The following SEMA4C variants were observed in gnomAD, a reference collection of about 807,000 sequenced individuals.
The protein encoded by SEMA4C is semaphorin-4C.
Under a neutral mutation model 89.0 loss-of-function variants are expected in SEMA4C, and 19 were observed. The ratio of observed to expected loss-of-function variants is 0.21; its 90% CI spans 0.15 to 0.31. The LOEUF (loss-of-function observed/expected upper bound fraction) is 0.31, where lower values mean the gene tolerates loss of function less well. Ranked by LOEUF, SEMA4C falls within the 10% of genes least tolerant of loss-of-function variation. The probability of loss-of-function intolerance (pLI) is 1.00; values close to 1 mark genes in which losing one functional copy is unlikely to be tolerated. For synonymous variants in SEMA4C, 428 were observed against 472.7 expected, an observed-to-expected ratio of 0.91 and a Z score of 1.23; for missense variants, 811 against 1,107.0, an observed-to-expected ratio of 0.73 and a Z score of 3.79.
intron 3 of SEMA4C, 133 bp from the exon 4 acceptor site, chr2:96,866,062 AG>A (rs931690376): frequency 2.5e-5 from 27 of 1,094,750 alleles, no homozygotes; most frequent in Admixed American, 6.6e-5. Flanking sequence ...GACTTCCTTT[AG>A]TACAGAATGG....
chr2:96,870,106 T>G, upstream of SEMA4C: 1 of 959,408 alleles, frequency 1.0e-6, no homozygotes, highest in Non-Finnish European at 1.2e-6. Flanking sequence ...CTCCGCCCCC[T>G]TCCCCTTGAC....
rs757727634 is a variant in SEMA4C at position 96,864,390 on chromosome 2, A to G, written c.963-8T>C. 9 of 1,612,910 alleles carry G rather than the reference A, an allele frequency of 5.6e-6. No homozygotes were observed. In the East Asian group the frequency reaches 1.8e-4, roughly 32 times the overall value. On this transcript the variant is annotated splice_polypyrimidine_tract_variant and splice_region_variant and intron_variant, in intron 9 of 14. Transcript: ENST00000305476. The surrounding 1 kb of genome is among the most constrained non-coding windows in gnomAD (Gnocchi z 6.3). ...GACAGGTACATGTCACCCCTGTCACAGCGAGAGGGAGCCCAGGGTCAGGTA... is the reference window on the plus strand; with the variant it reads ...GACAGGTACATGTCACCCCTGTCACGGCGAGAGGGAGCCCAGGGTCAGGTA...
chr2:96,868,297 A>G (rs765974695), intron 1 of SEMA4C: 3 of 501,978 alleles, frequency 6.0e-6, no homozygotes, highest in Non-Finnish European at 8.5e-6. Flanking sequence ...CTCAGGCAGC[A>G]GGCCTTGCAG....
rs1340114448 is a variant in SEMA4C at position 96,865,549 on chromosome 2, G to C, written c.421-12C>G. 1.9e-6 allele frequency: 3 copies of C among 1,612,914 alleles called. No homozygotes were observed. Among genetic ancestry groups the C allele is most frequent in the African/African-American group, 1.3e-5 (1 of 74,896 alleles). ...AAGGTGAGCATGTTCTAAGGACAGAGAGAGAGGTGATGAGGAGATGCTTAA... is the reference window on the plus strand; with the variant it reads ...AAGGTGAGCATGTTCTAAGGACAGACAGAGAGGTGATGAGGAGATGCTTAA... On this transcript the variant is annotated splice_polypyrimidine_tract_variant and intron_variant, in intron 5 of 14. Transcript: ENST00000305476.
Position 96,866,393 on chromosome 2 carries a change from T to G in SEMA4C, c.148A>C (p.Ile50Leu). The G allele has an allele frequency of 6.2e-7, 1 of 1,613,922 alleles. No homozygotes were observed. Among genetic ancestry groups the G allele is most frequent in the Non-Finnish European group, 8.5e-7 (1 of 1,180,032 alleles). Residue 50 changes from isoleucine to leucine, a missense_variant, in exon 3 of 15, where the codon ATC (isoleucine) becomes CTC (leucine). This residue lies in a region of SEMA4C where 119 missense variants were observed against 152.7 expected (regional missense o/e 0.78). Coordinates refer to ENST00000305476, the MANE Select transcript of SEMA4C (RefSeq NM_017789.5). ...AGCGTCAGTGTCAGGAAGTCCTGGA[T>G]GCCGGTCTGGGAGAACCGCCGTACT... ...TVVRRFSQTG[I>L]QDFLTLTLTE...
At chr2:96,863,429 A>C in intron 12 of SEMA4C, 1 of 1,264,786 alleles carries the variant, frequency 7.9e-7, no homozygotes, top group Non-Finnish European at 1.0e-6. Context: ...AGCAGTTGCC[A>C]AGGCTTGATG....
In SEMA4C at chr2:96,866,276, C is replaced by G; in HGVS notation, c.258+7G>C. 2 of 1,604,452 alleles carry G rather than the reference C, an allele frequency of 1.2e-6. No individual in the cohort carries two copies. Among genetic ancestry groups the G allele is most frequent in the Non-Finnish European group, 1.7e-6 (2 of 1,173,164 alleles). On this transcript the variant is annotated splice_region_variant and intron_variant, in intron 3 of 14. Transcript: ENST00000305476. ...GCCCGACTGCCTCCCACTGCCCCAC[C>G]TCTCACCGCTCCTTGCAGCTCCAGG...
chr2:96,869,578 G>C, intron 1 of SEMA4C: 1 of 985,290 alleles, frequency 1.0e-6, no homozygotes, highest in Admixed American at 6.1e-5. Context: ...GGGCAGTCCA[G>C]GAGCCTGGCG....
chr2:96,860,597 G>A lies in SEMA4C; in HGVS notation c.*29C>T, dbSNP rs1360234353. On this transcript the variant is annotated 3_prime_UTR_variant, in exon 15 of 15. Transcript: ENST00000305476. ...CAAAAGTAGGAGCTACACCTCCCAC[G>A]CTTCCCGCCGACGCGGTGGGGGTTC... 11 of 1,558,804 alleles carry A rather than the reference G, an allele frequency of 7.1e-6. No individual in the cohort carries two copies. The highest frequency in any genetic ancestry group is 1.8e-5 in the Admixed American group (1 of 54,164).
In SEMA4C at chr2:96,860,860, C is replaced by T. The variant is rs200760433; in HGVS notation, c.2268G>A (p.Gly756=). The T allele has an allele frequency of 1.2e-6, 2 of 1,613,148 alleles. No homozygotes were observed. Among genetic ancestry groups the T allele is most frequent in the Non-Finnish European group, 1.7e-6 (2 of 1,180,010 alleles). The change falls in exon 15 of 15, where the codon GGG becomes GGA. Residue 756 remains glycine, a synonymous_variant. Transcript: ENST00000305476. Reference sequence around the variant, plus strand: ...TGCCTGGAGGTGGCGAAGGGGGCCCCCCACCGGGCTGGCACCGGGCATGCC... The same window carrying T: ...TGCCTGGAGGTGGCGAAGGGGGCCCTCCACCGGGCTGGCACCGGGCATGCC... ...VPGHARCQPG[G]GPPSPPPGIP...
chr2:96,870,061 C>G lies in SEMA4C; in HGVS notation c.-223G>C. On this transcript the variant is annotated 5_prime_UTR_variant, in exon 1 of 15. Transcript: ENST00000305476. Reference sequence around the variant, plus strand: ...GCTCGGGCTCCCCGCGCCACCACGGCGGGCGCCGGCTCTTTCTCCAGCGCG... The same window carrying G: ...GCTCGGGCTCCCCGCGCCACCACGGGGGGCGCCGGCTCTTTCTCCAGCGCG... 4.1e-6 allele frequency: 4 copies of G among 976,504 alleles called. No homozygotes were observed. Among genetic ancestry groups the G allele is most frequent in the Non-Finnish European group, 4.9e-6 (4 of 821,692 alleles). The allele number at this position is 976,504 out of a possible 1,614,324, so 60.5% of individuals were successfully genotyped here.
intron 12 of SEMA4C, chr2:96,862,148 G>A: frequency 2.0e-6 from 1 of 502,252 alleles, no homozygotes; most frequent in Non-Finnish European, 3.6e-6. Context: ...TATTAGAAAG[G>A]GATGATGGGG....
rs200760433 is a variant in SEMA4C, at chr2:96,860,860, C to G, written c.2268G>C (p.Gly756=). Residue 756 remains glycine (G), a synonymous_variant, in exon 15 of 15, where the codon GGG becomes GGC. Transcript: ENST00000305476. ...VPGHARCQPG[G]GPPSPPPGIP... ...TGCCTGGAGGTGGCGAAGGGGGCCC[C>G]CCACCGGGCTGGCACCGGGCATGCC... 21 of 1,613,030 alleles carry G rather than the reference C, an allele frequency of 1.3e-5. No homozygotes were observed. Among genetic ancestry groups the G allele is most frequent in the Non-Finnish European group, 1.8e-5 (21 of 1,180,018 alleles).
At chr2:96,870,743 G>A (rs1377779719), upstream of SEMA4C, 5 of 985,400 alleles carry the variant, frequency 5.1e-6, no homozygotes, top group Non-Finnish European at 6.0e-6. Flanking sequence ...TGATTAACAA[G>A]TGGCATGAGC....
chr2:96,868,649 T>C, intron 1 of SEMA4C: 1 of 984,984 alleles, frequency 1.0e-6, no homozygotes, highest in Non-Finnish European at 1.2e-6. Context: ...TTCCTCGCAC[T>C]GCCTCCTCCG....
In SEMA4C at chr2:96,861,826, G is replaced by A. The variant is rs763803761; in HGVS notation, c.1512C>T (p.Arg504=). 9.3e-6 allele frequency: 15 copies of A among 1,612,908 alleles called. No individual in the cohort carries two copies. Among genetic ancestry groups the A allele is most frequent in the Non-Finnish European group, 1.2e-5 (14 of 1,179,994 alleles). The change falls in exon 13 of 15, where the codon CGC becomes CGT. Residue 504 remains arginine, a synonymous_variant. Transcript: ENST00000305476. This position sits in a 1 kb window ranked among gnomAD's most constrained non-coding sequence, Gnocchi z 7.8. ...GGGCGAGGACACAGTCTGCACAGGA[G>A]CGATACTTCATGCAGTCGGCCACGG... ...QLPVADCMKY[R]SCADCVLARD...
chr2:96,869,127 C>T (rs2080149630), intron 1 of SEMA4C: 4 of 985,354 alleles, frequency 4.1e-6, no homozygotes, highest in Non-Finnish European at 4.8e-6. Flanking sequence ...CGCGGGAGAG[C>T]GGGGGCTGCG....
At chr2:96,868,395 G>C in intron 1 of SEMA4C, 1 of 1,007,258 alleles carries the variant, frequency 9.9e-7, no homozygotes, top group Non-Finnish European at 1.2e-6. Context: ...TAGGCGGTCG[G>C]GAAAGCCCCA....
Position 96,861,655 on chromosome 2 carries a change from A to G in SEMA4C, c.1602-6T>C. On this transcript the variant is annotated splice_region_variant and splice_polypyrimidine_tract_variant and intron_variant, in intron 13 of 14. Transcript: ENST00000305476. This position sits in a 1 kb window ranked among gnomAD's most constrained non-coding sequence, Gnocchi z 7.8. ...CATGCTGGATCAGTAGAGATCTGGT[A>G]GGGGATGTAGGGTACATCAGCAGCC... The G allele has an allele frequency of 6.3e-7, 1 of 1,582,684 alleles. No homozygotes were observed. The highest frequency in any genetic ancestry group is 8.6e-7 in the Non-Finnish European group (1 of 1,161,072).
Sources: allele counts gnomAD v4.1 joint callset, GRCh38; gene constraint gnomAD v4.1.1; regional missense constraint gnomAD v4.1.1; non-coding constraint Gnocchi (gnomAD v3.1); transcripts MANE v1.5; gene names NCBI Gene and HGNC (gene_info 2026-07-23, HGNC 2026-07-21).